Variants in USP53 observed in about 807,000 individuals in gnomAD.
USP53 encodes ubiquitin specific peptidase 53.
Under a neutral mutation model 94.9 loss-of-function variants are expected in USP53, and 71 were observed. The ratio of observed to expected loss-of-function variants is 0.75; its 90% CI spans 0.62 to 0.91. The LOEUF (loss-of-function observed/expected upper bound fraction) is 0.91. Among genes scored for constraint, USP53 ranks in the 40% least tolerant of loss-of-function variants. The pLI is 0.00. For synonymous variants in USP53, 375 were observed against 422.7 expected, an observed-to-expected ratio of 0.89 and a Z score of 1.39; for missense variants, 1,173 against 1,281.0, an observed-to-expected ratio of 0.92 and a Z score of 1.29.
chr4:119,244,597 A>G (rs77224774), intron 5 of USP53, among the ~76,000 whole-genome samples: 6,008 of 152,234 alleles, frequency 0.039, 182 homozygotes, highest in Non-Finnish European at 0.061. Flanking sequence ...CAAGAACTCT[A>G]TGAGACACAA....
chr4:119,288,022 G>A (rs1049347214), intron 17 of USP53, among the ~76,000 whole-genome samples: 1 of 152,158 alleles, frequency 6.6e-6, no homozygotes, highest in East Asian at 1.9e-4. Flanking sequence ...TTACCAACTA[G>A]AACAGTAGTT....
chr4:119,213,641 G>GATATATTAGATATATATATATATATAT lies in USP53; in HGVS notation c.-941-423_-941-422insTAGATATATATATATATATATATATAT, dbSNP rs1553961986. Among the ~76,000 whole-genome samples, 8 of 108,104 alleles carry GATATATTAGATATATATATATATATAT rather than the reference G, an allele frequency of 7.4e-5. 1 individual carries two copies. Among genetic ancestry groups the GATATATTAGATATATATATATATATAT allele is most frequent in the African/African-American group, 3.4e-4 (8 of 23,670 alleles). 70.9% of individuals were successfully genotyped at this position (108,104 alleles called of 152,430 possible). A position where few individuals can be genotyped will look rare whatever the true frequency, so the allele number is the denominator to read the frequency against. On this transcript the variant is annotated intron_variant, in intron 1 of 18. Transcript: ENST00000692078. Reference sequence around the variant, plus strand: ...CCGAAAGTTTCCTTATCTGGAAATAGATATATATATATATATATATGTGTG... The same window carrying GATATATTAGATATATATATATATATAT: ...CCGAAAGTTTCCTTATCTGGAAATAGATATATTAGATATATATATATATATATATATATATATATATATATATGTGTG...
chr4:119,280,856 C>T (rs1480222816), intron 17 of USP53, among the ~76,000 whole-genome samples: 1 of 152,178 alleles, frequency 6.6e-6, no homozygotes, highest in Admixed American at 6.5e-5. Flanking sequence ...TGGAGAATCA[C>T]GTGCCAACTC....
chr4:119,237,554 TAAA>T (rs1171856012), intron 4 of USP53, among the ~76,000 whole-genome samples: 1 of 136,228 alleles, frequency 7.3e-6, no homozygotes, highest in African/African-American at 2.6e-5. Flanking sequence ...AAAAAATAAT[TAAA>T]AAAAAAAAAG....
chr4:119,284,168 G>A (rs2149466781), intron 17 of USP53, among the ~76,000 whole-genome samples: 1 of 151,664 alleles, frequency 6.6e-6, no homozygotes, highest in Non-Finnish European at 1.5e-5. Flanking sequence ...GTTTGATTTA[G>A]CATTTATTAG....
intron 12 of USP53, among the ~76,000 whole-genome samples, chr4:119,265,182 G>A (rs1302746167): frequency 6.7e-6 from 1 of 148,944 alleles, no homozygotes; most frequent in African/African-American, 2.5e-5. Context: ...CAATTGTATT[G>A]TCAAAACTCA....
intron 17 of USP53, among the ~76,000 whole-genome samples, chr4:119,274,319 T>A (rs984338447): frequency 2.1e-5 from 3 of 144,516 alleles, no homozygotes; most frequent in African/African-American, 7.7e-5. Flanking sequence ...CATTGTTCAA[T>A]TCCCACCTAT....
chr4:119,291,405 A>ATT (rs1219641162), intron 18 of USP53, 144 bp downstream of exon 18: 1 of 487,962 alleles, frequency 2.0e-6, no homozygotes, highest in African/African-American at 2.0e-5. Flanking sequence ...TACAATGTGG[A>ATT]TCTAAGGATA....
At chr4:119,236,823 T>C (rs757120775) in intron 4 of USP53, among the ~76,000 whole-genome samples, 2 of 152,200 alleles carry the variant, frequency 1.3e-5, no homozygotes, top group Non-Finnish European at 2.9e-5. Context: ...ATTAACCAAA[T>C]ATCCTGGTAA....
At chr4:119,226,230 T>G (rs1014852748) in intron 3 of USP53, among the ~76,000 whole-genome samples, 2 of 152,222 alleles carry the variant, frequency 1.3e-5, no homozygotes, top group Non-Finnish European at 2.9e-5. Context: ...GGTTAAAGAC[T>G]GAATGATTTC....
chr4:119,243,467 C>T (rs1043544624), intron 5 of USP53, among the ~76,000 whole-genome samples: 1 of 151,956 alleles, frequency 6.6e-6, no homozygotes, highest in Admixed American at 6.6e-5. Flanking sequence ...CATCACACTC[C>T]AGCTTGGGCA....
rs1479334801 is a variant in USP53, at chr4:119,295,457, T to G, written c.*2246T>G. ...TACTTACCTTCAGAATGTTATATTT[T>G]CATGTGAAATCAATTTCTTCTAATT... On this transcript the variant is annotated 3_prime_UTR_variant, in exon 19 of 19. Transcript: ENST00000692078. 6.6e-6 allele frequency: 1 copy of G among 152,208 alleles called. No homozygotes were observed. Among genetic ancestry groups the G allele is most frequent in the Non-Finnish European group, 1.5e-5 (1 of 68,032 alleles). The allele number at this position is 152,208 out of a possible 1,614,324, so 9.4% of individuals were successfully genotyped here.
intron 5 of USP53, among the ~76,000 whole-genome samples, chr4:119,240,247 T>C (rs1244127645): frequency 6.6e-6 from 1 of 152,168 alleles, no homozygotes; most frequent in Non-Finnish European, 1.5e-5. Context: ...TGGATCCCTG[T>C]AGATAGAATA....
intron 17 of USP53, among the ~76,000 whole-genome samples, chr4:119,288,574 G>C (rs1037020804): frequency 5.9e-5 from 9 of 152,120 alleles, no homozygotes; most frequent in African/African-American, 2.2e-4. Flanking sequence ...ACATCAGTCT[G>C]TCTTGCACTT....
At chr4:119,243,070 T>C (rs1747758555) in intron 5 of USP53, among the ~76,000 whole-genome samples, 1 of 152,232 alleles carries the variant, frequency 6.6e-6, no homozygotes. Context: ...ATAACTACAT[T>C]AATTTTGTTA....
chr4:119,260,958 T>C (rs1374659053), intron 11 of USP53, among the ~76,000 whole-genome samples: 4 of 69,964 alleles, frequency 5.7e-5, no homozygotes, highest in African/African-American at 1.9e-4. Context: ...CTCTTTTTTT[T>C]TTTTTTTTTT....
chr4:119,250,822 A>G (rs190340961), intron 7 of USP53, among the ~76,000 whole-genome samples: 227 of 152,292 alleles, frequency 1.5e-3, no homozygotes, highest in Middle Eastern at 6.8e-3. Flanking sequence ...TGCAGATTGC[A>G]TTGCCTGCAT....
intron 17 of USP53, among the ~76,000 whole-genome samples, chr4:119,285,992 T>G (rs7659194): frequency 0.28 from 42,562 of 151,654 alleles, 6,180 homozygotes; most frequent in East Asian, 0.38. Flanking sequence ...ATTTATTGAC[T>G]CCTGCTTTAT....
At chr4:119,233,254 T>C (rs1746303580) in intron 3 of USP53, among the ~76,000 whole-genome samples, 1 of 151,908 alleles carries the variant, frequency 6.6e-6, no homozygotes, top group South Asian at 2.1e-4. Flanking sequence ...GATTTATTTT[T>C]TCTATTGTTT....
Sources: gnomAD v4.1 joint callset for allele counts (sites outside exome capture counted in the v4.1 genomes callset) on GRCh38, gnomAD v4.1.1 for gene constraint, MANE v1.5 for transcripts, NCBI Gene and HGNC (gene_info 2026-07-23, HGNC 2026-07-21) for gene names.